Variants in TVP23A observed in about 807,000 individuals in gnomAD.
TVP23A encodes the protein trans-golgi network vesicle protein 23 homolog A, also known as Golgi apparatus membrane protein TVP23 homolog A.
Under a neutral mutation model 31.7 loss-of-function variants are expected in TVP23A, and 21 were observed. The observed-to-expected ratio is 0.66, with a 90% CI of 0.47 to 0.95. The LOEUF is 0.95. TVP23A is among the 40% of genes least tolerant of loss of function. The probability of loss-of-function intolerance (pLI) is 0.00; values close to 1 mark genes in which losing one functional copy is unlikely to be tolerated. For missense variants in TVP23A, 279 were observed against 255.6 expected, an observed-to-expected ratio of 1.09 and a Z score of -0.62; for synonymous variants, 104 against 96.0, an observed-to-expected ratio of 1.08 and a Z score of -0.49.
rs1051254166 is a variant in TVP23A at position 10,770,280 on chromosome 16, G to A, written c.634C>T (p.Gln212Ter). The A allele has an allele frequency of 1.3e-6, 2 of 1,550,888 alleles. No homozygotes were observed. The highest frequency in any genetic ancestry group is 1.7e-6 in the Non-Finnish European group (2 of 1,146,784). The change falls in exon 7 of 8, where the codon CAG (glutamine) becomes TAG (stop). Residue 212 changes from glutamine to a stop codon, truncating the protein, a stop_gained. Coordinates refer to ENST00000299866, the MANE Select transcript of TVP23A (RefSeq NM_001079512.4). LOFTEE classifies it high-confidence loss of function. ...KPGLEGLEIH[Q>*]H ...CATGATCCATTTCTCACCTAATGCT[G>A]GTGAATCTCCAGCCCCTCGAGGCCA...
chr16:10,799,256 T>A (rs1471663179), intron 2 of TVP23A, among the ~76,000 whole-genome samples: 1 of 152,252 alleles, frequency 6.6e-6, no homozygotes, highest in Non-Finnish European at 1.5e-5. Context: ...ATGTTTGTTA[T>A]CTGTAGCTGC....
intron 2 of TVP23A, among the ~76,000 whole-genome samples, chr16:10,810,559 A>G (rs191227968): frequency 0.014 from 2,010 of 145,220 alleles, 53 homozygotes; most frequent in African/African-American, 0.053. Context: ...AAAAAAAAAA[A>G]AAGAAAAGAA....
chr16:10,810,326 A>G (rs2034138053), intron 2 of TVP23A, among the ~76,000 whole-genome samples: 1 of 152,104 alleles, frequency 6.6e-6, no homozygotes, highest in African/African-American at 2.4e-5. Flanking sequence ...AGGTGGGAGG[A>G]TCACTTGAGC....
At position 10,777,919 on chromosome 16, in the gene TVP23A, G is replaced by A. The variant is rs537849962; in HGVS notation, c.90-2823C>T. ...CCAGCTACTCGGGACGCTGAGGCAG[G>A]AGAATTGCTTGAATCTGGGAGGCGG... On this transcript the variant is annotated intron_variant, in intron 2 of 7. Transcript: ENST00000299866. This position sits in a 1 kb window ranked among gnomAD's most constrained non-coding sequence, Gnocchi z 4.5. Among the ~76,000 whole-genome samples the A allele has an allele frequency of 1.3e-3, 202 of 152,288 alleles. 1 individual carries two copies. Among genetic ancestry groups the A allele is most frequent in the African/African-American group, 4.3e-3 (179 of 41,554 alleles).
intron 2 of TVP23A, among the ~76,000 whole-genome samples, chr16:10,810,765 C>G: frequency 1.3e-5 from 2 of 152,154 alleles, no homozygotes; most frequent in Middle Eastern, 3.4e-3. Context: ...AGGCCTTACA[C>G]GTCGGCCCCT....
At chr16:10,806,143 G>T (rs1001307468) in intron 2 of TVP23A, among the ~76,000 whole-genome samples, 1 of 152,172 alleles carries the variant, frequency 6.6e-6, no homozygotes, top group Non-Finnish European at 1.5e-5. Flanking sequence ...AGGAGTTTGA[G>T]ACCAGCCTGG....
chr16:10,804,181 C>A (rs1215516345), intron 2 of TVP23A, among the ~76,000 whole-genome samples: 1 of 152,126 alleles, frequency 6.6e-6, no homozygotes, highest in Non-Finnish European at 1.5e-5. Flanking sequence ...CCCTCAGGCC[C>A]CTGTAGGTGG....
At chr16:10,773,062 C>T (rs1373904320) in intron 5 of TVP23A, among the ~76,000 whole-genome samples, 1 of 152,170 alleles carries the variant, frequency 6.6e-6, no homozygotes, top group African/African-American at 2.4e-5. Context: ...AGGCTGGTCT[C>T]GAACTCCTGA....
At chr16:10,765,200 A>C (rs1485930761), downstream of TVP23A, 1 of 152,528 alleles carries the variant, frequency 6.6e-6, no homozygotes, top group Admixed American at 6.5e-5. The surrounding 1 kb of genome is among the most constrained non-coding windows in gnomAD (Gnocchi z 4.0). Context: ...ATGAAGAGCT[A>C]GAAATCTATA....
chr16:10,766,813 T>C lies in TVP23A; in HGVS notation c.*2289A>G. On this transcript the variant is annotated 3_prime_UTR_variant, in exon 8 of 8. Coordinates refer to ENST00000299866, the MANE Select transcript of TVP23A (RefSeq NM_001079512.4). The surrounding 1 kb of genome is among the most constrained non-coding windows in gnomAD (Gnocchi z 4.8). Reference sequence around the variant, plus strand: ...AATACCCTCTACTTGAGGTACGCCCTATATAAACGAAAAGGATGAAGTAAA... The same window carrying C: ...AATACCCTCTACTTGAGGTACGCCCCATATAAACGAAAAGGATGAAGTAAA... 5.0e-6 allele frequency: 2 copies of C among 397,628 alleles called. No homozygotes were observed. Among genetic ancestry groups the C allele is most frequent in the Non-Finnish European group, 8.9e-6 (2 of 225,922 alleles). The allele number at this position is 397,628 out of a possible 1,614,324, so 24.6% of individuals were successfully genotyped here.
intron 2 of TVP23A, among the ~76,000 whole-genome samples, chr16:10,808,106 A>G (rs955567251): frequency 1.3e-5 from 2 of 152,208 alleles, no homozygotes; most frequent in African/African-American, 4.8e-5. Flanking sequence ...TGACTCTGAG[A>G]AAATGATAGT....
chr16:10,805,553 G>A (rs890066537), intron 2 of TVP23A, among the ~76,000 whole-genome samples: 2 of 148,610 alleles, frequency 1.3e-5, no homozygotes, highest in Non-Finnish European at 3.0e-5. Flanking sequence ...CTCGGAAGCC[G>A]GCTTGCTCCT....
At chr16:10,783,899 G>C (rs1344965770) in intron 2 of TVP23A, among the ~76,000 whole-genome samples, 3 of 152,210 alleles carry the variant, frequency 2.0e-5, no homozygotes, top group African/African-American at 7.2e-5. Flanking sequence ...TCTAGAGACA[G>C]TAAAAAGATC....
chr16:10,766,380 T>C (rs1464772140), downstream of TVP23A, among the ~76,000 whole-genome samples: 1 of 152,060 alleles, frequency 6.6e-6, no homozygotes, highest in East Asian at 1.9e-4. This position sits in a 1 kb window ranked among gnomAD's most constrained non-coding sequence, Gnocchi z 4.8. Context: ...TGCCCGTTCT[T>C]GGAGAGGTGG....
chr16:10,810,941 A>G (rs1413304060), intron 2 of TVP23A, among the ~76,000 whole-genome samples: 1 of 152,228 alleles, frequency 6.6e-6, no homozygotes. Flanking sequence ...TGAATTCCTC[A>G]TAATAAATCT....
chr16:10,762,612 C>T (rs955745666), downstream of TVP23A, among the ~76,000 whole-genome samples: 10 of 152,276 alleles, frequency 6.6e-5, no homozygotes, highest in East Asian at 3.9e-4. Context: ...GTCCAGCACT[C>T]GCCTTTAGGT....
intron 2 of TVP23A, among the ~76,000 whole-genome samples, chr16:10,792,634 G>A (rs1314986366): frequency 6.6e-6 from 1 of 152,258 alleles, no homozygotes; most frequent in Non-Finnish European, 1.5e-5. Flanking sequence ...AAAAAGCAAA[G>A]GTCCCTATAA....
At chr16:10,795,395 C>T (rs976538707) in intron 2 of TVP23A, among the ~76,000 whole-genome samples, 4 of 151,828 alleles carry the variant, frequency 2.6e-5, no homozygotes, top group African/African-American at 4.8e-5. Context: ...GGATTACAGG[C>T]GTGCACTACC....
rs978072181 is a variant in TVP23A at position 10,779,067 on chromosome 16, CTTCT to C, written c.90-3975_90-3972del. Among the ~76,000 whole-genome samples, 3 of 152,300 alleles carry C rather than the reference CTTCT, an allele frequency of 2.0e-5. No homozygotes were observed. The highest frequency in any genetic ancestry group is 1.3e-4 in the Admixed American group (2 of 15,292). On this transcript the variant is annotated intron_variant, in intron 2 of 7. Coordinates refer to ENST00000299866, the MANE Select transcript of TVP23A (RefSeq NM_001079512.4). The surrounding 1 kb of genome is among the most constrained non-coding windows in gnomAD (Gnocchi z 4.9). ...TTCGAATAAATCCCTTGCCCACCCGCTTCTTTCTTTTTTCTTTTTGGCTGTGGCT... is the reference window on the plus strand; with the variant it reads ...TTCGAATAAATCCCTTGCCCACCCGCTTCTTTTTTCTTTTTGGCTGTGGCT...
Sources: allele counts gnomAD v4.1 joint callset (sites outside exome capture counted in the v4.1 genomes callset), GRCh38; gene constraint gnomAD v4.1.1; non-coding constraint Gnocchi (gnomAD v3.1); transcripts MANE v1.5; gene names NCBI Gene and HGNC (gene_info 2026-07-23, HGNC 2026-07-21).